MCF2L: variants seen among roughly 807,000 people sequenced by gnomAD.
MCF2L encodes the protein guanine nucleotide exchange factor DBS.
Under a neutral mutation model 153.4 loss-of-function variants are expected in MCF2L, and 97 were observed. The observed-to-expected ratio is 0.63, with a 90% CI of 0.54 to 0.75. The LOEUF (loss-of-function observed/expected upper bound fraction) is 0.75, where lower values mean the gene tolerates loss of function less well. MCF2L is among the 30% of genes least tolerant of loss of function. The pLI is 0.00. For missense variants in MCF2L, 1,347 were observed against 1,495.2 expected, an observed-to-expected ratio of 0.90 and a Z score of 1.64; for synonymous variants, 659 against 632.2, an observed-to-expected ratio of 1.04 and a Z score of -0.64.
upstream of MCF2L, chr13:112,967,646 T>C (rs1306715251): frequency 6.6e-6 from 1 of 152,460 alleles, no homozygotes; most frequent in African/African-American, 2.4e-5. Flanking sequence ...TTTATCCCTT[T>C]GGCCTTGCTC....
intron 2 of MCF2L, among the ~76,000 whole-genome samples, chr13:112,935,340 C>T (rs1398496213): frequency 2.6e-5 from 4 of 152,176 alleles, no homozygotes; most frequent in African/African-American, 9.7e-5. Context: ...TCACTGCAGC[C>T]TCCGCCTCCC....
At chr13:112,999,220 G>T (rs2083262755) in intron 1 of MCF2L, among the ~76,000 whole-genome samples, 1 of 152,204 alleles carries the variant, frequency 6.6e-6, no homozygotes, top group South Asian at 2.1e-4. Flanking sequence ...CCCCTTGCTT[G>T]TTGAGCAAAT....
At chr13:113,005,527 T>G (rs2083635666) in intron 1 of MCF2L, among the ~76,000 whole-genome samples, 1 of 151,916 alleles carries the variant, frequency 6.6e-6, no homozygotes, top group African/African-American at 2.4e-5. Context: ...CGTGGTCTGT[T>G]TGTGGTGGCC....
At chr13:112,966,703 A>C (rs917350343), upstream of MCF2L, among the ~76,000 whole-genome samples, 8 of 152,218 alleles carry the variant, frequency 5.3e-5, no homozygotes, top group Admixed American at 5.2e-4. This position sits in a 1 kb window ranked among gnomAD's most constrained non-coding sequence, Gnocchi z 4.1. Context: ...AGCCAATAGC[A>C]TGTGTGGAGA....
intron 4 of MCF2L, among the ~76,000 whole-genome samples, chr13:113,058,943 C>CTGGGTGCTGAG (rs2030863638): frequency 6.9e-6 from 1 of 144,586 alleles, no homozygotes; most frequent in South Asian, 2.2e-4. Flanking sequence ...TGTTTCGGCA[C>CTGGGTGCTGAG]TGTTTGGGTG....
intron 27 of MCF2L, chr13:113,095,024 A>ACCTTCCT (rs2035531403): frequency 7.3e-7 from 1 of 1,373,974 alleles, no homozygotes; most frequent in Non-Finnish European, 9.7e-7. Context: ...CTCAGAGGAG[A>ACCTTCCT]CAGTCCCCAC....
rs1007475957 is a variant in MCF2L, at chr13:113,027,199, C to T, written c.278+2441C>T. ...ATTCTTCAGTCTTTAAAGACAACAG[C>T]GCACTGGGCCTGGTAACTGAGAGCT... On this transcript the variant is annotated intron_variant, in intron 3 of 29. Coordinates refer to ENST00000535094, the MANE Select transcript of MCF2L (RefSeq NM_001112732.3). This position sits in a 1 kb window ranked among gnomAD's most constrained non-coding sequence, Gnocchi z 4.8. The T allele has an allele frequency of 4.2e-5, 26 of 614,544 alleles. No homozygotes were observed. Among genetic ancestry groups the T allele is most frequent in the Admixed American group, 3.2e-4 (14 of 43,752 alleles). The allele number at this position is 614,544 out of a possible 1,614,324, so 38.1% of individuals were successfully genotyped here. A position where few individuals can be genotyped will look rare whatever the true frequency, so the allele number is the denominator to read the frequency against.
intron 17 of MCF2L, among the ~76,000 whole-genome samples, chr13:113,083,323 C>T (rs1404025817): frequency 2.0e-5 from 3 of 152,168 alleles, no homozygotes; most frequent in Non-Finnish European, 4.4e-5. Flanking sequence ...GTTTCTTGCC[C>T]TCTCATCACC....
intron 3 of MCF2L, among the ~76,000 whole-genome samples, chr13:113,029,798 C>A (rs1035958485): frequency 1.3e-5 from 2 of 152,166 alleles, no homozygotes; most frequent in Admixed American, 6.5e-5. Flanking sequence ...TTCCCCAGCA[C>A]GCAGTTTCCA....
At chr13:113,065,519 G>T (rs2032231038) in intron 7 of MCF2L, among the ~76,000 whole-genome samples, 2 of 152,254 alleles carry the variant, frequency 1.3e-5, no homozygotes, top group African/African-American at 4.8e-5. Context: ...CGATGAAGTG[G>T]CGGTTGGAAT....
chr13:113,088,209 C>G (rs543191955), intron 23 of MCF2L, 118 bp from the exon 24 acceptor site: 1 of 901,778 alleles, frequency 1.1e-6, no homozygotes, highest in Non-Finnish European at 1.8e-6. Flanking sequence ...TCCCCTCACA[C>G]GCAGCCACCT....
At chr13:112,911,987 G>A (rs1460892556) in intron 2 of MCF2L, among the ~76,000 whole-genome samples, 1 of 152,182 alleles carries the variant, frequency 6.6e-6, no homozygotes, top group South Asian at 2.1e-4. Flanking sequence ...TTTTTAAAAA[G>A]AAAAAACAAT....
intron 2 of MCF2L, among the ~76,000 whole-genome samples, chr13:112,940,499 C>G (rs2081564750): frequency 6.6e-6 from 1 of 152,242 alleles, no homozygotes; most frequent in Non-Finnish European, 1.5e-5. Context: ...TGTGTACCGC[C>G]TGGCCCAGCT....
At position 113,046,275 on chromosome 13, in the gene MCF2L, G is replaced by T; in HGVS notation, c.369+914G>T. On this transcript the variant is annotated intron_variant, in intron 4 of 29. Transcript: ENST00000535094. The surrounding 1 kb of genome is among the most constrained non-coding windows in gnomAD (Gnocchi z 4.4). Reference sequence around the variant, plus strand: ...AAGGACCAAAAAAGGCTGCCTGTCTGCCAAGAGGTGACCCAGAGCCTGGGT... The same window carrying T: ...AAGGACCAAAAAAGGCTGCCTGTCTTCCAAGAGGTGACCCAGAGCCTGGGT... 4.1e-6 allele frequency: 1 copy of T among 245,188 alleles called. No homozygotes were observed. The highest frequency in any genetic ancestry group is 8.0e-6 in the Non-Finnish European group (1 of 124,766). 15.2% of individuals were successfully genotyped at this position (245,188 alleles called of 1,614,324 possible). A position where few individuals can be genotyped will look rare whatever the true frequency, so the allele number is the denominator to read the frequency against.
At chr13:112,968,429 C>T (rs1345516952), upstream of MCF2L, 12 of 1,579,020 alleles carry the variant, frequency 7.6e-6, no homozygotes, top group South Asian at 1.2e-5. Flanking sequence ...CAGGACGCTG[C>T]GTGTGTCGAG....
At chr13:113,085,688 C>T (rs565785) in intron 20 of MCF2L, among the ~76,000 whole-genome samples, 43,037 of 103,318 alleles carry the variant, frequency 0.42, 6,564 homozygotes, top group Non-Finnish European at 0.47. Context: ...GGAGCAGGTG[C>T]GAGGGGTTTG....
Position 113,070,329 on chromosome 13 carries a change from T to C in MCF2L, c.996+156T>C, listed in dbSNP as rs921311074. ...CGCTTGCCAGGTGGAGCCTGTGAGA[T>C]TAAGTCAGGCTGAGCCTTGAAATGC... On this transcript the variant is annotated intron_variant, in intron 9 of 29. Coordinates refer to ENST00000535094, the MANE Select transcript of MCF2L (RefSeq NM_001112732.3). The surrounding 1 kb of genome is among the most constrained non-coding windows in gnomAD (Gnocchi z 5.6). 1 of 501,550 alleles carries C rather than the reference T, an allele frequency of 2.0e-6. No individual in the cohort carries two copies. The highest frequency in any genetic ancestry group is 3.5e-6 in the Non-Finnish European group (1 of 288,606). The allele number at this position is 501,550 out of a possible 1,614,324, so 31.1% of individuals were successfully genotyped here. A position where few individuals can be genotyped will look rare whatever the true frequency, so the allele number is the denominator to read the frequency against.
chr13:113,061,984 G>A (rs370625409), intron 5 of MCF2L, among the ~76,000 whole-genome samples: 16 of 144,560 alleles, frequency 1.1e-4, no homozygotes, highest in East Asian at 6.1e-4. Context: ...GGTGTCACCC[G>A]TGACCCTGGT....
At chr13:112,923,910 G>A (rs970247697) in intron 2 of MCF2L, among the ~76,000 whole-genome samples, 18 of 152,242 alleles carry the variant, frequency 1.2e-4, no homozygotes, top group African/African-American at 3.1e-4. Flanking sequence ...CTTTGGAGAG[G>A]GCAGGCCAGT....
Sources: gnomAD v4.1 joint callset for allele counts (sites outside exome capture counted in the v4.1 genomes callset) on GRCh38, gnomAD v4.1.1 for gene constraint, Gnocchi (gnomAD v3.1) non-coding constraint, MANE v1.5 for transcripts, NCBI Gene and HGNC (gene_info 2026-07-23, HGNC 2026-07-21) for gene names.